The following CHORDC1 variants were observed in gnomAD, a reference collection of about 807,000 sequenced individuals.
The protein encoded by CHORDC1 is cysteine and histidine-rich domain-containing protein 1.
In CHORDC1, 25 loss-of-function variants were observed where a neutral mutation model predicts 48.3. The observed-to-expected ratio is 0.52, with a 90% CI of 0.38 to 0.72. The LOEUF is 0.72. CHORDC1 is among the 30% of genes least tolerant of loss of function. The pLI, the probability that CHORDC1 is intolerant of heterozygous loss-of-function variation, is 0.00. For synonymous variants in CHORDC1, 128 were observed against 126.4 expected (o/e 1.01, Z -0.09); for missense variants, 317 against 388.7 (o/e 0.82, Z 1.55).
chr11:90,221,919 C>T (rs1858181380), intron 1 of CHORDC1, among the ~76,000 whole-genome samples: 1 of 152,158 alleles, frequency 6.6e-6, no homozygotes, highest in Admixed American at 6.5e-5. Flanking sequence ...TTAATACAAC[C>T]TCATTGAACT....
At chr11:90,202,996 C>G in intron 9 of CHORDC1, 121 bp from the exon 10 acceptor site, 2 of 1,242,324 alleles carry the variant, frequency 1.6e-6, no homozygotes, top group Middle Eastern at 2.0e-4. Flanking sequence ...ACTGCCAATA[C>G]TGTATTGTTT....
chr11:90,211,389 C>T, intron 4 of CHORDC1, 71 bp from the exon 5 acceptor site: 1 of 971,806 alleles, frequency 1.0e-6, no homozygotes, highest in South Asian at 1.4e-5. Flanking sequence ...AAATTAATAA[C>T]CTTAAAAGCT....
At chr11:90,205,309 A>AGCTT in intron 8 of CHORDC1, 151 bp downstream of exon 8, 1 of 612,448 alleles carries the variant, frequency 1.6e-6, no homozygotes, top group African/African-American at 1.9e-5. Flanking sequence ...AGCTTGACTC[A>AGCTT]GATTCATTTT....
At chr11:90,218,530 G>T (rs192740629) in intron 1 of CHORDC1, among the ~76,000 whole-genome samples, 1 of 152,098 alleles carries the variant, frequency 6.6e-6, no homozygotes, top group Admixed American at 6.5e-5. Flanking sequence ...TTTTACAAAT[G>T]TACTATCAAA....
intron 2 of CHORDC1, chr11:90,217,894 TCA>T (rs1565172867): frequency 9.5e-4 from 144 of 151,300 alleles, no homozygotes; most frequent in Middle Eastern, 3.7e-3. Flanking sequence ...AAACTCCATC[TCA>T]AAAAAAAAAA....
chr11:90,203,276 A>C lies in CHORDC1; in HGVS notation c.789+32T>G, dbSNP rs558490254. On this transcript the variant is annotated intron_variant, in intron 9 of 10. Transcript: ENST00000320585. ...ACATAAAGAATGATGTATAGAAAAG[A>C]ACTTTTACCCAAAATTATAAGATGT... 6.5e-6 allele frequency: 10 copies of C among 1,539,532 alleles called. No individual in the cohort carries two copies. In the African/African-American group the frequency reaches 1.3e-4, roughly 21 times the overall value.
At chr11:90,207,171 T>C (rs931035931) in intron 6 of CHORDC1, 9 of 164,304 alleles carry the variant, frequency 5.5e-5, no homozygotes, top group African/African-American at 2.4e-5. Flanking sequence ...TCTCATCAAT[T>C]TGACTTGAAT....
chr11:90,215,602 T>C (rs903739497), intron 2 of CHORDC1, among the ~76,000 whole-genome samples: 5 of 149,248 alleles, frequency 3.4e-5, no homozygotes, highest in Admixed American at 1.4e-4. Context: ...ATTTTACTTT[T>C]AAAATCTATT....
intron 6 of CHORDC1, chr11:90,208,603 AGAC>A (rs1857771692): frequency 6.6e-6 from 1 of 152,214 alleles, no homozygotes; most frequent in African/African-American, 2.4e-5. Context: ...ATTATGCAGA[AGAC>A]GACAAAAACA....
At chr11:90,215,539 GT>G (rs1361571183) in intron 2 of CHORDC1, among the ~76,000 whole-genome samples, 2 of 151,706 alleles carry the variant, frequency 1.3e-5, no homozygotes, top group Admixed American at 1.3e-4. Context: ...AGAAAAACAT[GT>G]TATAATTCCT....
At chr11:90,213,553 T>C (rs1306368871) in intron 4 of CHORDC1, 5 of 528,282 alleles carry the variant, frequency 9.5e-6, no homozygotes, top group Non-Finnish European at 1.7e-5. Context: ...TTCACAAATA[T>C]GTCATCTAAA....
At chr11:90,213,334 C>CAAAA in intron 4 of CHORDC1, 26 of 574,634 alleles carry the variant, frequency 4.5e-5, no homozygotes, top group South Asian at 7.9e-5. Context: ...TACTTGCAGC[C>CAAAA]AAAAAAAAAA....
In CHORDC1 at chr11:90,201,765, ATT is replaced by A. The variant is rs1282924207; in HGVS notation, c.*638_*639del. On this transcript the variant is annotated 3_prime_UTR_variant, in exon 11 of 11. Transcript: ENST00000320585. ...ACCAAATTGATACCTCTGTAATCTT[ATT>A]TATGTTTCCTATAACATCATACTGC... 1 of 152,426 alleles carries A rather than the reference ATT, an allele frequency of 6.6e-6. No homozygotes were observed. Among genetic ancestry groups the A allele is most frequent in the East Asian group, 1.9e-4 (1 of 5,194 alleles). The allele number at this position is 152,426 out of a possible 1,614,324, so 9.4% of individuals were successfully genotyped here.
In CHORDC1 at chr11:90,202,385, G is replaced by C. The variant is rs1857561926; in HGVS notation, c.*20C>G. ...TTAAAAATTCGGAAATAATGTAATA[G>C]CCTTCCTTCCATCTCCCACTCAATC... On this transcript the variant is annotated 3_prime_UTR_variant, in exon 11 of 11. Coordinates refer to ENST00000320585, the MANE Select transcript of CHORDC1 (RefSeq NM_012124.3). The C allele has an allele frequency of 6.2e-7, 1 of 1,607,352 alleles. No homozygotes were observed. Among genetic ancestry groups the C allele is most frequent in the African/African-American group, 1.3e-5 (1 of 74,800 alleles).
At chr11:90,213,930 T>A (rs1857935203) in intron 4 of CHORDC1, 88 bp downstream of exon 4, 1 of 1,140,178 alleles carries the variant, frequency 8.8e-7, no homozygotes. Flanking sequence ...TAGCTACAAA[T>A]GGTATCATGC....
At chr11:90,221,913 T>C (rs963800404) in intron 1 of CHORDC1, among the ~76,000 whole-genome samples, 1 of 152,240 alleles carries the variant, frequency 6.6e-6, no homozygotes, top group African/African-American at 2.4e-5. Flanking sequence ...ATGTTATTAA[T>C]ACAACCTCAT....
At chr11:90,206,035 C>T in intron 7 of CHORDC1, 167 bp downstream of exon 7, 1 of 625,598 alleles carries the variant, frequency 1.6e-6, no homozygotes, top group Non-Finnish European at 2.9e-6. Flanking sequence ...CATGTATAAA[C>T]ACACAACATA....
chr11:90,203,258 G>A, intron 9 of CHORDC1, 50 bp downstream of exon 9: 1 of 1,466,464 alleles, frequency 6.8e-7, no homozygotes, highest in South Asian at 1.4e-5. Flanking sequence ...GTAACATAAA[G>A]AATGATGTAT....
chr11:90,210,721 T>C (rs1857837377), intron 5 of CHORDC1, 127 bp from the exon 6 acceptor site: 2 of 637,890 alleles, frequency 3.1e-6, no homozygotes, highest in Admixed American at 5.9e-5. Context: ...AGGATTTGCT[T>C]ATATCCCCAA....
Sources: gnomAD v4.1 joint callset for allele counts (sites outside exome capture counted in the v4.1 genomes callset) on GRCh38, gnomAD v4.1.1 for gene constraint, MANE v1.5 for transcripts, NCBI Gene and HGNC (gene_info 2026-07-23, HGNC 2026-07-21) for gene names.